PLEKHA7: variants seen among roughly 807,000 people sequenced by gnomAD.
PLEKHA7 encodes the protein pleckstrin homology domain containing A7, also known as pleckstrin homology domain-containing family A member 7.
In PLEKHA7, 104 loss-of-function variants were observed where a neutral mutation model predicts 170.0. The ratio of observed to expected loss-of-function variants is 0.61; its 90% CI spans 0.52 to 0.72. The LOEUF is 0.72. PLEKHA7 is among the 30% of genes least tolerant of loss of function. PLEKHA7 has a pLI of 0.00. For synonymous variants in PLEKHA7, 648 were observed against 660.8 expected (o/e 0.98, Z 0.30); for missense variants, 1,615 against 1,671.7 (o/e 0.97, Z 0.59).
intron 3 of PLEKHA7, among the ~76,000 whole-genome samples, chr11:16,888,727 C>T (rs1281485035): frequency 1.3e-5 from 2 of 152,280 alleles, no homozygotes; most frequent in African/African-American, 4.8e-5. Context: ...GCAGGGTCCT[C>T]TGCCTAGGAA....
At chr11:16,876,146 T>C (rs1183064824) in intron 3 of PLEKHA7, among the ~76,000 whole-genome samples, 1 of 152,240 alleles carries the variant, frequency 6.6e-6, no homozygotes, top group African/African-American at 2.4e-5. Flanking sequence ...CTCCATTTCC[T>C]GATTCTAACA....
chr11:16,961,717 T>C (rs557132958), intron 3 of PLEKHA7, among the ~76,000 whole-genome samples: 16 of 152,284 alleles, frequency 1.1e-4, no homozygotes, highest in Admixed American at 7.2e-4. Flanking sequence ...AGCAGACCCA[T>C]GGCATCTTCC....
At chr11:16,828,508 TAC>T (rs1850842176) in intron 9 of PLEKHA7, among the ~76,000 whole-genome samples, 1 of 152,184 alleles carries the variant, frequency 6.6e-6, no homozygotes, top group South Asian at 2.1e-4. Flanking sequence ...TGGACTAATA[TAC>T]AGAGAGAACT....
chr11:16,862,410 T>C (rs1481768066), intron 4 of PLEKHA7, among the ~76,000 whole-genome samples: 2 of 152,220 alleles, frequency 1.3e-5, no homozygotes, highest in African/African-American at 4.8e-5. Flanking sequence ...TCTTCTAGCC[T>C]ATCTGCTCCT....
chr11:16,906,900 C>T (rs1325207750), intron 3 of PLEKHA7, among the ~76,000 whole-genome samples: 1 of 144,482 alleles, frequency 6.9e-6, no homozygotes. Context: ...GCCACGCCGC[C>T]CATCGTCTGA....
At chr11:16,815,953 G>A (rs2134688149) in intron 12 of PLEKHA7, among the ~76,000 whole-genome samples, 1 of 152,202 alleles carries the variant, frequency 6.6e-6, no homozygotes, top group East Asian at 1.9e-4. Flanking sequence ...GAGGAGATAA[G>A]CCTAATATTC....
At chr11:16,827,777 T>G (rs1850773802) in intron 9 of PLEKHA7, among the ~76,000 whole-genome samples, 1 of 119,332 alleles carries the variant, frequency 8.4e-6, no homozygotes, top group African/African-American at 3.1e-5. Context: ...CTAGAAAAAA[T>G]AACAAAGACG....
At chr11:16,834,839 G>C (rs535086639) in intron 9 of PLEKHA7, among the ~76,000 whole-genome samples, 89 of 152,270 alleles carry the variant, frequency 5.8e-4, no homozygotes, top group African/African-American at 1.9e-3. Flanking sequence ...AGATTACTTG[G>C]GGGGGCGGGG....
chr11:16,933,292 C>G (rs1476019632), intron 3 of PLEKHA7, among the ~76,000 whole-genome samples: 1 of 152,190 alleles, frequency 6.6e-6, no homozygotes, highest in Non-Finnish European at 1.5e-5. Flanking sequence ...AGTGGAGGAT[C>G]CAGTATGCAA....
chr11:16,794,829 C>T (rs1848107396), intron 18 of PLEKHA7, 81 bp downstream of exon 18: 18 of 1,486,894 alleles, frequency 1.2e-5, no homozygotes, highest in South Asian at 6.8e-5. Flanking sequence ...GCCATCCCAC[C>T]CACCTGGTTC....
intron 3 of PLEKHA7, among the ~76,000 whole-genome samples, chr11:16,920,524 C>G (rs1348753380): frequency 6.6e-6 from 1 of 152,176 alleles, no homozygotes; most frequent in Non-Finnish European, 1.5e-5. Flanking sequence ...CCTTAATTTC[C>G]TCCATCTTCT....
chr11:16,926,205 C>T (rs1169937809), intron 3 of PLEKHA7, among the ~76,000 whole-genome samples: 1 of 152,232 alleles, frequency 6.6e-6, no homozygotes, highest in Non-Finnish European at 1.5e-5. Context: ...GCGACCTCAT[C>T]GCCCAGGAGG....
intron 9 of PLEKHA7, among the ~76,000 whole-genome samples, chr11:16,831,538 A>C (rs1851110388): frequency 6.6e-6 from 1 of 152,230 alleles, no homozygotes; most frequent in African/African-American, 2.4e-5. Context: ...GGTCATTGCT[A>C]CGATCGTGAA....
chr11:16,906,257 AG>A (rs2136093896), intron 3 of PLEKHA7, among the ~76,000 whole-genome samples: 1 of 111,038 alleles, frequency 9.0e-6, no homozygotes, highest in South Asian at 2.8e-4. Context: ...GAAGGAAGGA[AG>A]GAAGGAAGGA....
chr11:16,872,320 G>A (rs1293938586), intron 3 of PLEKHA7, among the ~76,000 whole-genome samples: 1 of 152,032 alleles, frequency 6.6e-6, no homozygotes. Flanking sequence ...ACCTCTCTAT[G>A]TGGAGATATA....
At chr11:16,972,945 T>C (rs1862816546) in intron 3 of PLEKHA7, among the ~76,000 whole-genome samples, 1 of 152,200 alleles carries the variant, frequency 6.6e-6, no homozygotes, top group African/African-American at 2.4e-5. Flanking sequence ...GAAAATCCAT[T>C]GGCCTAGATG....
intron 3 of PLEKHA7, among the ~76,000 whole-genome samples, chr11:16,889,775 A>G (rs1352981251): frequency 6.6e-6 from 1 of 152,204 alleles, no homozygotes; most frequent in African/African-American, 2.4e-5. Context: ...TTAGATGCCT[A>G]GACACCCAGA....
chr11:16,806,638 A>G (rs906222789), intron 13 of PLEKHA7, among the ~76,000 whole-genome samples: 7 of 152,164 alleles, frequency 4.6e-5, no homozygotes, highest in African/African-American at 1.4e-4. Flanking sequence ...TTCTGCATCA[A>G]TCAAAGAGGG....
At chr11:16,807,554 A>G (rs897634812) in intron 13 of PLEKHA7, among the ~76,000 whole-genome samples, 46 of 152,180 alleles carry the variant, frequency 3.0e-4, no homozygotes, top group African/African-American at 1.1e-3. Flanking sequence ...GGCAGAAGGC[A>G]AGGAGGAACA....
Sources: gnomAD v4.1 joint callset for allele counts (sites outside exome capture counted in the v4.1 genomes callset) on GRCh38, gnomAD v4.1.1 for gene constraint, MANE v1.5 for transcripts, NCBI Gene and HGNC (gene_info 2026-07-23, HGNC 2026-07-21) for gene names.